Variants in PPP2R5C observed in about 807,000 individuals in gnomAD.
The protein encoded by PPP2R5C is serine/threonine-protein phosphatase 2A 56 kDa regulatory subunit gamma isoform.
In PPP2R5C, 7 loss-of-function variants were observed where a neutral mutation model predicts 68.9. The ratio of observed to expected loss-of-function variants is 0.10; its 90% CI spans 0.06 to 0.19. PPP2R5C has a LOEUF of 0.19. Ranked by LOEUF, PPP2R5C falls within the 10% of genes least tolerant of loss-of-function variation. PPP2R5C has a pLI of 1.00. For missense variants in PPP2R5C, 348 were observed against 641.3 expected (o/e 0.54, Z 4.94); for synonymous variants, 210 against 222.2 (o/e 0.95, Z 0.49).
intron 2 of PPP2R5C, among the ~76,000 whole-genome samples, chr14:101,772,827 C>T (rs563281659): frequency 8.5e-5 from 13 of 152,208 alleles, no homozygotes; most frequent in South Asian, 2.1e-4. Context: ...TAAAGTAATA[C>T]GGAAATCAAG....
At chr14:101,806,974 C>A (rs1411961741), upstream of PPP2R5C, among the ~76,000 whole-genome samples, 1 of 152,132 alleles carries the variant, frequency 6.6e-6, no homozygotes, top group Non-Finnish European at 1.5e-5. Context: ...AAAAAACAAA[C>A]CACAGAAATT....
chr14:101,871,682 C>T (rs747994384), intron 2 of PPP2R5C, among the ~76,000 whole-genome samples: 10 of 138,852 alleles, frequency 7.2e-5, no homozygotes, highest in Non-Finnish European at 1.1e-4. Flanking sequence ...ACCTGTTTAT[C>T]GTTTCTCTTC....
intron 3 of PPP2R5C, among the ~76,000 whole-genome samples, chr14:101,788,741 T>G (rs2038233521): frequency 6.6e-6 from 1 of 152,226 alleles, no homozygotes; most frequent in African/African-American, 2.4e-5. Flanking sequence ...CATTAATGCC[T>G]CTGTATATAT....
chr14:101,865,427 C>G (rs2042992068), intron 2 of PPP2R5C, among the ~76,000 whole-genome samples: 1 of 152,216 alleles, frequency 6.6e-6, no homozygotes, highest in Admixed American at 6.5e-5. Context: ...TGTCTCCTAC[C>G]TGCCCTTGAT....
chr14:101,823,353 G>A (rs1049398100), intron 1 of PPP2R5C, among the ~76,000 whole-genome samples: 11 of 152,236 alleles, frequency 7.2e-5, no homozygotes, highest in Middle Eastern at 6.8e-3. Flanking sequence ...GATTTATTTT[G>A]TATTATCCGG....
chr14:101,853,897 C>G (rs1190543641), intron 1 of PPP2R5C, among the ~76,000 whole-genome samples: 6 of 152,112 alleles, frequency 3.9e-5, no homozygotes, highest in Non-Finnish European at 5.9e-5. Flanking sequence ...TCTCAGTTCT[C>G]TGTAGTGCCA....
chr14:101,845,522 A>G (rs2041773853), intron 1 of PPP2R5C, among the ~76,000 whole-genome samples: 1 of 151,524 alleles, frequency 6.6e-6, no homozygotes, highest in Non-Finnish European at 1.5e-5. Context: ...ATGGGCGGAA[A>G]GCATGAATGA....
intron 2 of PPP2R5C, among the ~76,000 whole-genome samples, chr14:101,869,297 A>C (rs1194997868): frequency 6.6e-6 from 1 of 152,244 alleles, no homozygotes; most frequent in African/African-American, 2.4e-5. Context: ...GTGTTGTCTC[A>C]TTATATAAAA....
intron 1 of PPP2R5C, among the ~76,000 whole-genome samples, chr14:101,838,661 G>C (rs1258934591): frequency 1.3e-5 from 2 of 152,258 alleles, no homozygotes; most frequent in Admixed American, 1.3e-4. Context: ...TTCTCAGAAA[G>C]GAGGAGCCCC....
At chr14:101,844,592 G>A (rs1595357197) in intron 1 of PPP2R5C, among the ~76,000 whole-genome samples, 1 of 152,178 alleles carries the variant, frequency 6.6e-6, no homozygotes, top group Non-Finnish European at 1.5e-5. Context: ...AAGAGTTCGT[G>A]TCTAGAAGGA....
intron 8 of PPP2R5C, among the ~76,000 whole-genome samples, chr14:101,898,432 A>C (rs914016556): frequency 6.6e-6 from 1 of 152,124 alleles, no homozygotes; most frequent in African/African-American, 2.4e-5. Flanking sequence ...GCCTCACCCT[A>C]TTCTCTCTTC....
intron 1 of PPP2R5C, chr14:101,823,746 G>C (rs956125118): frequency 9.6e-7 from 1 of 1,038,816 alleles, no homozygotes; most frequent in Admixed American, 4.9e-5. Context: ...TCTGACTCAC[G>C]GTTCTGGGCT....
rs1305951164 is a variant in PPP2R5C, at chr14:101,835,720, A to G, written c.95-20966A>G. Among the ~76,000 whole-genome samples, 1 of 152,258 alleles carries G rather than the reference A, an allele frequency of 6.6e-6. No individual in the cohort carries two copies. Among genetic ancestry groups the G allele is most frequent in the Non-Finnish European group, 1.5e-5 (1 of 68,046 alleles). ...ACCACTCTTCTCCCTGTAAGGGACC[A>G]GTAGCATGTGTGGGACCACGCCGCC... On this transcript the variant is annotated intron_variant, in intron 1 of 13. Coordinates refer to ENST00000334743, the Ensembl canonical transcript of PPP2R5C. The surrounding 1 kb of genome is among the most constrained non-coding windows in gnomAD (Gnocchi z 5.0).
intron 7 of PPP2R5C, 99 bp from the exon 10 acceptor site, chr14:101,894,408 T>C (rs7142002): frequency 0.066 from 75,521 of 1,139,104 alleles, 3,792 homozygotes; most frequent in African/African-American, 0.22. Context: ...CCGTGGGTCC[T>C]TGTCTTGCTG....
intron 2 of PPP2R5C, among the ~76,000 whole-genome samples, chr14:101,859,341 T>C (rs1470741359): frequency 6.6e-6 from 1 of 152,260 alleles, no homozygotes; most frequent in Non-Finnish European, 1.5e-5. Context: ...TTCTGCCTTA[T>C]GCCCACGTGG....
intron 13 of PPP2R5C, among the ~76,000 whole-genome samples, chr14:101,923,351 T>C (rs2047116679): frequency 6.6e-6 from 1 of 152,254 alleles, no homozygotes. Context: ...TTTCTATGAA[T>C]ATGTTTCTTC....
In PPP2R5C at chr14:101,907,796, T is replaced by C. The variant is rs184942643; in HGVS notation, c.1151+1267T>C. On this transcript the variant is annotated intron_variant, in intron 10 of 13. Transcript: ENST00000334743. ...CACCCTGCTGCCGGCGGACCAGCCC[T>C]CTCCCATGCACCCTCTCTCCTTGTC... Among the ~76,000 whole-genome samples, 180 of 152,244 alleles carry C rather than the reference T, an allele frequency of 1.2e-3. 1 individual carries two copies. The highest frequency in any genetic ancestry group is 0.01 in the Middle Eastern group (3 of 294).
chr14:101,880,712 G>A (rs79781380), intron 2 of PPP2R5C, among the ~76,000 whole-genome samples: 3,261 of 152,128 alleles, frequency 0.021, 115 homozygotes, highest in African/African-American at 0.075. Flanking sequence ...CAGGAGGATC[G>A]TGTGAACCCA....
At chr14:101,874,597 T>C (rs1029336983) in intron 2 of PPP2R5C, among the ~76,000 whole-genome samples, 3 of 152,362 alleles carry the variant, frequency 2.0e-5, no homozygotes, top group African/African-American at 7.2e-5. Context: ...TATAAACTCA[T>C]GCACATAACT....
Sources: gnomAD v4.1 joint callset for allele counts (sites outside exome capture counted in the v4.1 genomes callset) on GRCh38, gnomAD v4.1.1 for gene constraint, Gnocchi (gnomAD v3.1) non-coding constraint, MANE v1.5 for transcripts, NCBI Gene and HGNC (gene_info 2026-07-23, HGNC 2026-07-21) for gene names.